The following SYNDIG1 variants were observed in gnomAD, a reference collection of about 807,000 sequenced individuals.
SYNDIG1 encodes the protein synapse differentiation-inducing gene protein 1.
In SYNDIG1, 9 loss-of-function variants were observed where a neutral mutation model predicts 19.4. The ratio of observed to expected loss-of-function variants is 0.46; its 90% CI spans 0.28 to 0.81. The LOEUF (loss-of-function observed/expected upper bound fraction) is 0.81, where lower values mean the gene tolerates loss of function less well. Ranked by LOEUF, SYNDIG1 falls within the 30% of genes least tolerant of loss-of-function variation. The pLI is 0.12. For missense variants in SYNDIG1, 311 were observed against 343.3 expected (o/e 0.91, Z 0.74); for synonymous variants, 141 against 145.9 (o/e 0.97, Z 0.24).
chr20:24,514,405 G>A (rs1161338275), intron 1 of SYNDIG1, among the ~76,000 whole-genome samples: 5 of 152,112 alleles, frequency 3.3e-5, no homozygotes, highest in Non-Finnish European at 5.9e-5. Flanking sequence ...ATAAACATAG[G>A]CTCAAAGTAA....
intron 1 of SYNDIG1, among the ~76,000 whole-genome samples, chr20:24,483,045 A>G (rs961933069): frequency 2.6e-5 from 4 of 152,282 alleles, no homozygotes; most frequent in Admixed American, 2.6e-4. Flanking sequence ...TTAAACACAT[A>G]TCTATCCTTT....
chr20:24,642,841 A>G (rs2059391545), intron 3 of SYNDIG1, among the ~76,000 whole-genome samples: 1 of 152,074 alleles, frequency 6.6e-6, no homozygotes, highest in South Asian at 2.1e-4. Flanking sequence ...AGGGTTCGAA[A>G]CCAAGATCTG....
At chr20:24,517,899 A>G (rs1162561150) in intron 1 of SYNDIG1, among the ~76,000 whole-genome samples, 1 of 150,520 alleles carries the variant, frequency 6.6e-6, no homozygotes. Flanking sequence ...TCCACCTCCT[A>G]GGTTCACACC....
intron 2 of SYNDIG1, among the ~76,000 whole-genome samples, chr20:24,576,602 G>A (rs1248647640): frequency 1.3e-5 from 2 of 152,122 alleles, no homozygotes; most frequent in Non-Finnish European, 2.9e-5. Flanking sequence ...CTCACAGATC[G>A]CATCTGAGCA....
In SYNDIG1 at chr20:24,512,153, A is replaced by G. The variant is rs561605351; in HGVS notation, c.-78-30867A>G. Among the ~76,000 whole-genome samples, 102 of 112,788 alleles carry G rather than the reference A, an allele frequency of 9.0e-4. 2 individuals are homozygous for G. In the East Asian group the frequency reaches 0.014, roughly 16 times the overall value. The allele number at this position is 112,788 out of a possible 152,430, so 74.0% of individuals were successfully genotyped here. ...TATATATATATATATATATATATAT[A>G]TGCAGTGGTTCCAAGATGGCCGAAT... On this transcript the variant is annotated intron_variant, in intron 1 of 3. Transcript: ENST00000376862.
At chr20:24,487,925 G>A (rs919597686) in intron 1 of SYNDIG1, among the ~76,000 whole-genome samples, 3 of 152,162 alleles carry the variant, frequency 2.0e-5, no homozygotes, top group Non-Finnish European at 4.4e-5. Context: ...GTCCAAACAT[G>A]TCGGTGAGGC....
intron 3 of SYNDIG1, among the ~76,000 whole-genome samples, chr20:24,664,766 C>T (rs895729851): frequency 1.3e-5 from 2 of 152,180 alleles, no homozygotes; most frequent in African/African-American, 2.4e-5. Context: ...GTGAATGACT[C>T]ATGGCCACAG....
intron 1 of SYNDIG1, among the ~76,000 whole-genome samples, chr20:24,508,650 A>G (rs115215573): frequency 0.036 from 5,495 of 152,338 alleles, 130 homozygotes; most frequent in Admixed American, 0.094. Context: ...ATTCAGAGGA[A>G]AGCCTAGAAG....
At chr20:24,598,826 C>T (rs76839274) in intron 3 of SYNDIG1, among the ~76,000 whole-genome samples, 4,645 of 152,150 alleles carry the variant, frequency 0.031, 224 homozygotes, top group African/African-American at 0.1. Context: ...TTTCATCATA[C>T]GCAAAAATCA....
chr20:24,661,428 A>AGGGAGGGAAAG (rs1239368676), intron 3 of SYNDIG1, among the ~76,000 whole-genome samples: 1 of 8,436 alleles, frequency 1.2e-4, no homozygotes, highest in African/African-American at 5.1e-4. Flanking sequence ...GTTAGGAAGG[A>AGGGAGGGAAAG]GGGAGGAAGG....
chr20:24,498,966 C>T lies in SYNDIG1; in HGVS notation c.-79+29213C>T, dbSNP rs141214099. The stretch of plus-strand genomic sequence containing the variant: ...TCCATTTTTTGAGAAACTGTTTTCC[C>T]CAGTGGCTACACCAGTCAGTAGACT... On this transcript the variant is annotated intron_variant, in intron 1 of 3. Coordinates refer to ENST00000376862, the MANE Select transcript of SYNDIG1 (RefSeq NM_024893.3). Among the ~76,000 whole-genome samples the T allele has an allele frequency of 2.6e-3, 393 of 152,272 alleles. 3 individuals are homozygous for T. Among genetic ancestry groups the T allele is most frequent in the Middle Eastern group, 6.8e-3 (2 of 294 alleles).
rs11905302 is a variant in SYNDIG1 at position 24,506,886 on chromosome 20, C to A, written c.-78-36134C>A. ...CACTCACACAGGCAGAGAAGCTGGG[C>A]AGTGGGCAAGAAAGCCTCGGAGCTC... is the stretch of plus-strand genomic sequence containing the variant. On this transcript the variant is annotated intron_variant, in intron 1 of 3. Transcript: ENST00000376862. Among the ~76,000 whole-genome samples the A allele has an allele frequency of 7.7e-3, 1,173 of 152,240 alleles. 14 individuals are homozygous for A. Among genetic ancestry groups the A allele is most frequent in the African/African-American group, 0.027 (1,121 of 41,530 alleles).
At chr20:24,540,760 T>G (rs1034270248) in intron 1 of SYNDIG1, among the ~76,000 whole-genome samples, 1 of 152,224 alleles carries the variant, frequency 6.6e-6, no homozygotes, top group African/African-American at 2.4e-5. Context: ...CACTTGATCA[T>G]GGTATATGAT....
At chr20:24,493,430 C>T (rs909165988) in intron 1 of SYNDIG1, among the ~76,000 whole-genome samples, 7 of 152,094 alleles carry the variant, frequency 4.6e-5, no homozygotes, top group East Asian at 1.9e-4. Context: ...CACACAGGTA[C>T]GCACACATAC....
At chr20:24,516,770 AG>A (rs1303647156) in intron 1 of SYNDIG1, among the ~76,000 whole-genome samples, 1 of 152,220 alleles carries the variant, frequency 6.6e-6, no homozygotes, top group Non-Finnish European at 1.5e-5. Flanking sequence ...CGATTCCTCA[AG>A]GATCTAGAAC....
At chr20:24,560,514 T>C (rs1444881031) in intron 2 of SYNDIG1, among the ~76,000 whole-genome samples, 1 of 152,090 alleles carries the variant, frequency 6.6e-6, no homozygotes, top group African/African-American at 2.4e-5. Context: ...ATCCAGTTAC[T>C]TCTTATGGGT....
At chr20:24,489,620 A>G (rs1387347312) in intron 1 of SYNDIG1, among the ~76,000 whole-genome samples, 1 of 152,230 alleles carries the variant, frequency 6.6e-6, no homozygotes, top group Non-Finnish European at 1.5e-5. Flanking sequence ...ACATGAATGC[A>G]CACACACATG....
intron 2 of SYNDIG1, among the ~76,000 whole-genome samples, chr20:24,553,261 G>A (rs1568635533): frequency 6.6e-6 from 1 of 152,006 alleles, no homozygotes; most frequent in Non-Finnish European, 1.5e-5. Flanking sequence ...TTTGTAGGTT[G>A]CCTGTTCACT....
At chr20:24,633,345 G>A (rs985099016) in intron 3 of SYNDIG1, among the ~76,000 whole-genome samples, 2 of 152,148 alleles carry the variant, frequency 1.3e-5, no homozygotes, top group East Asian at 1.9e-4. Flanking sequence ...CACCCAGCCC[G>A]AAGGCCCACA....
Sources: allele counts gnomAD v4.1 joint callset (sites outside exome capture counted in the v4.1 genomes callset), GRCh38; gene constraint gnomAD v4.1.1; transcripts MANE v1.5; gene names NCBI Gene and HGNC (gene_info 2026-07-23, HGNC 2026-07-21).